Variants in ERN1 observed in about 807,000 individuals in gnomAD.
ERN1 encodes endoplasmic reticulum to nucleus signaling 1.
A neutral mutation model predicts 113.1 loss-of-function variants in ERN1; 39 were observed. The observed-to-expected ratio is 0.34, with a 90% CI of 0.27 to 0.45. ERN1 has a LOEUF of 0.45. Ranked by LOEUF, ERN1 falls within the 20% of genes least tolerant of loss-of-function variation. ERN1 has a pLI of 1.00. For synonymous variants in ERN1, 507 were observed against 515.9 expected, an observed-to-expected ratio of 0.98 and a Z score of 0.23; for missense variants, 976 against 1,274.8, an observed-to-expected ratio of 0.77 and a Z score of 3.57.
rs191780470 is a variant in ERN1, at chr17:64,108,519, A to G, written c.55-10278T>C. 4.6e-5 allele frequency among the ~76,000 whole-genome samples: 7 copies of G among 152,250 alleles called. No homozygotes were observed. In the East Asian group the frequency reaches 5.8e-4, roughly 13 times the overall value. On this transcript the variant is annotated intron_variant, in intron 1 of 21. Coordinates refer to ENST00000433197, the MANE Select transcript of ERN1 (RefSeq NM_001433.5). ...CTAAGGTCCCTCAGGATACCTGGGG[A>G]GCTAAGCCAAATCCCACACTTTAGG...
At chr17:64,081,042 T>C (rs781094039) in intron 2 of ERN1, among the ~76,000 whole-genome samples, 2 of 152,162 alleles carry the variant, frequency 1.3e-5, no homozygotes, top group East Asian at 1.9e-4. Flanking sequence ...TGAGGCTGGA[T>C]AGAGAACTGA....
chr17:64,117,086 A>G (rs1914827368), intron 1 of ERN1, among the ~76,000 whole-genome samples: 1 of 150,640 alleles, frequency 6.6e-6, no homozygotes, highest in South Asian at 2.1e-4. Flanking sequence ...CCCTCACTCC[A>G]GCCTCAACGA....
chr17:64,076,494 A>C (rs1567871693), intron 4 of ERN1, among the ~76,000 whole-genome samples: 1 of 152,200 alleles, frequency 6.6e-6, no homozygotes, highest in Non-Finnish European at 1.5e-5. Context: ...GTCTCTGCTG[A>C]GCACTGCCAC....
At chr17:64,066,984 C>A (rs16947425) in intron 7 of ERN1, 52 bp from the exon 8 acceptor site, 271,804 of 1,586,432 alleles carry the variant, frequency 0.17, 24,693 homozygotes, top group East Asian at 0.32. Context: ...ATCTTGCAAC[C>A]ACATCCTCTA....
At chr17:64,098,695 G>A (rs1459548152) in intron 1 of ERN1, 31 of 388,178 alleles carry the variant, frequency 8.0e-5, no homozygotes, top group Middle Eastern at 1.3e-3. Context: ...AAGCAAAATA[G>A]GAAAAACAGC....
intron 1 of ERN1, among the ~76,000 whole-genome samples, chr17:64,118,058 A>C (rs1037057456): frequency 3.9e-5 from 6 of 152,214 alleles, no homozygotes; most frequent in Non-Finnish European, 8.8e-5. Context: ...AAAGCAAAGC[A>C]GCCCTCCCAT....
chr17:64,127,426 T>C (rs979825475), intron 1 of ERN1, among the ~76,000 whole-genome samples: 4 of 152,150 alleles, frequency 2.6e-5, no homozygotes, highest in African/African-American at 9.7e-5. Context: ...ATGTTAGCTG[T>C]CCCCATTTCA....
rs755199235 is a variant in ERN1, at chr17:64,054,053, C to G, written c.1953+197G>C. ...CTCCCAGGCTCAAGCAATCTTCCCA[C>G]CTCAGCCTCCCAAGTAGCTGGGGCT... On this transcript the variant is annotated intron_variant, in intron 15 of 21. Coordinates refer to ENST00000433197, the MANE Select transcript of ERN1 (RefSeq NM_001433.5). The surrounding 1 kb of genome is among the most constrained non-coding windows in gnomAD (Gnocchi z 4.9). 1 of 511,046 alleles carries G rather than the reference C, an allele frequency of 2.0e-6. No individual in the cohort carries two copies. The highest frequency in any genetic ancestry group is 1.9e-5 in the African/African-American group (1 of 51,950). The allele number at this position is 511,046 out of a possible 1,614,324, so 31.7% of individuals were successfully genotyped here. A position where few individuals can be genotyped will look rare whatever the true frequency, so the allele number is the denominator to read the frequency against.
At chr17:64,114,653 C>A (rs555466326) in intron 1 of ERN1, among the ~76,000 whole-genome samples, 18 of 152,056 alleles carry the variant, frequency 1.2e-4, no homozygotes, top group African/African-American at 4.3e-4. Flanking sequence ...TATTTGTTAT[C>A]TATGCAGCTG....
chr17:64,092,247 G>T (rs1320446109), intron 2 of ERN1, among the ~76,000 whole-genome samples: 1 of 152,098 alleles, frequency 6.6e-6, no homozygotes, highest in Non-Finnish European at 1.5e-5. Flanking sequence ...TGACCACTGG[G>T]CATCAAGGGG....
rs548178170 is a variant in ERN1, at chr17:64,046,684, G to A, written c.2529+1174C>T. Among the ~76,000 whole-genome samples the A allele has an allele frequency of 3.3e-5, 5 of 152,300 alleles. No individual in the cohort carries two copies. In the East Asian group the frequency reaches 9.7e-4, roughly 29 times the overall value. On this transcript the variant is annotated intron_variant, in intron 19 of 21. Transcript: ENST00000433197. ...GCAGTCAAGCACTCCTGTCCTCGAG[G>A]AGCTTACATTCTGGGGGCTTCCCTC...
chr17:64,085,716 C>T (rs1913903336), intron 2 of ERN1, among the ~76,000 whole-genome samples: 2 of 152,166 alleles, frequency 1.3e-5, no homozygotes, highest in Non-Finnish European at 2.9e-5. Flanking sequence ...GTTCCTCCAC[C>T]CAGCCTTCTG....
intron 11 of ERN1, among the ~76,000 whole-genome samples, chr17:64,058,264 T>C (rs531406870): frequency 1.2e-4 from 18 of 152,340 alleles, no homozygotes; most frequent in African/African-American, 3.6e-4. Flanking sequence ...CTTCAGACCC[T>C]ACATATTTTT....
intron 1 of ERN1, among the ~76,000 whole-genome samples, chr17:64,120,774 C>T (rs979469296): frequency 1.3e-5 from 2 of 152,134 alleles, no homozygotes; most frequent in African/African-American, 4.8e-5. Flanking sequence ...CTGAAAGCTC[C>T]TCTAGTTCTG....
intron 1 of ERN1, chr17:64,098,471 A>C (rs770219488): frequency 1.4e-6 from 1 of 711,986 alleles, no homozygotes; most frequent in South Asian, 1.4e-5. Flanking sequence ...ACCTAACATT[A>C]CAAGGACAAG....
At chr17:64,065,052 A>G (rs1913175130) in intron 9 of ERN1, among the ~76,000 whole-genome samples, 157 bp downstream of exon 9, 1 of 152,208 alleles carries the variant, frequency 6.6e-6, no homozygotes, top group Non-Finnish European at 1.5e-5. Context: ...TCTTTCTTTC[A>G]AAGTAGAATG....
chr17:64,120,385 CTGTT>C (rs1567888964), intron 1 of ERN1, among the ~76,000 whole-genome samples: 1 of 152,172 alleles, frequency 6.6e-6, no homozygotes, highest in South Asian at 2.1e-4. Context: ...TGTGACAGCA[CTGTT>C]TGTTCAGAGA....
intron 2 of ERN1, among the ~76,000 whole-genome samples, chr17:64,095,359 G>A (rs1262641016): frequency 6.6e-6 from 1 of 152,156 alleles, no homozygotes; most frequent in East Asian, 1.9e-4. Flanking sequence ...AACCTAAGAG[G>A]CAAAGGTTTC....
chr17:64,050,788 A>G (rs1912658078), intron 17 of ERN1, among the ~76,000 whole-genome samples: 1 of 152,230 alleles, frequency 6.6e-6, no homozygotes, highest in African/African-American at 2.4e-5. Flanking sequence ...CTTTAAGTTA[A>G]AATTAAGTGT....
Sources: allele counts gnomAD v4.1 joint callset (sites outside exome capture counted in the v4.1 genomes callset), GRCh38; gene constraint gnomAD v4.1.1; non-coding constraint Gnocchi (gnomAD v3.1); transcripts MANE v1.5; gene names NCBI Gene and HGNC (gene_info 2026-07-23, HGNC 2026-07-21).